The following DPH6 variants were observed in gnomAD, a reference collection of about 807,000 sequenced individuals.
DPH6 encodes diphthine--ammonia ligase.
A neutral mutation model predicts 38.2 loss-of-function variants in DPH6; 33 were observed. The observed-to-expected ratio is 0.86, with a 90% CI of 0.65 to 1.15. The LOEUF is 1.15. Ranked by LOEUF, DPH6 falls within the 50% of genes most tolerant of loss-of-function variation. DPH6 has a pLI of 0.00. For synonymous variants in DPH6, 108 were observed against 103.0 expected (o/e 1.05, Z -0.30); for missense variants, 325 against 320.0 (o/e 1.02, Z -0.12).
At chr15:35,534,824 T>G (rs2055143954) in intron 3 of DPH6, among the ~76,000 whole-genome samples, 1 of 152,192 alleles carries the variant, frequency 6.6e-6, no homozygotes, top group Non-Finnish European at 1.5e-5. Context: ...GTATCAGATT[T>G]GACATCAAGT....
chr15:35,356,486 A>C (rs2052561405), intron 3 of DPH6, among the ~76,000 whole-genome samples: 1 of 151,834 alleles, frequency 6.6e-6, no homozygotes, highest in South Asian at 2.1e-4. Flanking sequence ...TCTTTTTGTT[A>C]GTTTTCATTT....
At chr15:35,444,830 T>G (rs949216397) in intron 5 of DPH6, among the ~76,000 whole-genome samples, 2 of 152,154 alleles carry the variant, frequency 1.3e-5, no homozygotes, top group Non-Finnish European at 2.9e-5. Flanking sequence ...ATCACGAGCT[T>G]TCAGGAACAT....
intron 3 of DPH6, among the ~76,000 whole-genome samples, chr15:35,288,539 A>G (rs754097337): frequency 6.6e-6 from 1 of 152,040 alleles, no homozygotes; most frequent in Non-Finnish European, 1.5e-5. Context: ...ACCGCTTCCT[A>G]TTTATTTTAT....
At chr15:35,159,258 T>C in the DPH6 span, among the ~76,000 whole-genome samples, 1 of 152,104 alleles carries the variant, frequency 6.6e-6, no homozygotes, top group Non-Finnish European at 1.5e-5. Context: ...ACGGGAACCA[T>C]GTTCCCATGT....
chr15:35,449,497 TGTGTACCTTTCA>T (rs1259545327), intron 5 of DPH6, among the ~76,000 whole-genome samples: 1 of 152,112 alleles, frequency 6.6e-6, no homozygotes, highest in Non-Finnish European at 1.5e-5. Context: ...AGGAATAGTA[TGTGTACCTTTCA>T]GTGAGACGTC....
chr15:35,502,771 C>A (rs1028545052), intron 3 of DPH6, among the ~76,000 whole-genome samples: 1 of 151,382 alleles, frequency 6.6e-6, no homozygotes, highest in African/African-American at 2.4e-5. Flanking sequence ...TTGTTAAGAT[C>A]TCACTTTGTT....
intron 3 of DPH6, among the ~76,000 whole-genome samples, chr15:35,537,219 T>C (rs1479154454): frequency 1.3e-5 from 2 of 152,142 alleles, no homozygotes; most frequent in South Asian, 2.1e-4. Context: ...AAAATTTTCA[T>C]GACAGAAGTT....
At chr15:35,284,801 A>ATTTTTTTTTTTT (rs71123127) in intron 3 of DPH6, among the ~76,000 whole-genome samples, 1 of 79,216 alleles carries the variant, frequency 1.3e-5, no homozygotes. Flanking sequence ...AAGTCTCCAA[A>ATTTTTTTTTTTT]TTTTTTTTTT....
chr15:35,479,978 G>T (rs1331272389), intron 3 of DPH6, among the ~76,000 whole-genome samples: 1 of 151,734 alleles, frequency 6.6e-6, no homozygotes, highest in Admixed American at 6.6e-5. Flanking sequence ...ATTTATTATT[G>T]AATTACAATT....
chr15:35,381,627 CT>C (rs2052867211), intron 7 of DPH6, among the ~76,000 whole-genome samples, 194 bp downstream of exon 7: 10 of 152,166 alleles, frequency 6.6e-5, no homozygotes, highest in Admixed American at 1.3e-4. Context: ...TTATAGCCTT[CT>C]ATGAAGGCCT....
chr15:35,340,280 C>T (rs917229126), intron 3 of DPH6, among the ~76,000 whole-genome samples: 8 of 152,102 alleles, frequency 5.3e-5, no homozygotes, highest in South Asian at 2.1e-4. Flanking sequence ...TTTCTGTAGG[C>T]GAGATGGATC....
intron 3 of DPH6, among the ~76,000 whole-genome samples, chr15:35,503,954 A>T (rs2054660743): frequency 6.6e-6 from 1 of 151,994 alleles, no homozygotes; most frequent in South Asian, 2.1e-4. Flanking sequence ...TTTTCACATG[A>T]CTTTGATTAT....
At chr15:35,413,252 T>C (rs2053392106) in intron 5 of DPH6, among the ~76,000 whole-genome samples, 2 of 151,848 alleles carry the variant, frequency 1.3e-5, no homozygotes, top group East Asian at 3.9e-4. Flanking sequence ...TTTCTATCTG[T>C]TGAAAGCAAG....
the DPH6 span, among the ~76,000 whole-genome samples, chr15:35,202,226 TA>T: frequency 6.6e-6 from 1 of 151,814 alleles, no homozygotes; most frequent in Non-Finnish European, 1.5e-5. Context: ...GGCTGTTTCC[TA>T]GGCACGTTTG....
At chr15:35,496,952 T>C (rs866980139) in intron 3 of DPH6, among the ~76,000 whole-genome samples, 2 of 152,086 alleles carry the variant, frequency 1.3e-5, no homozygotes, top group African/African-American at 2.4e-5. Flanking sequence ...CTTATTCAGA[T>C]GCTGCCTGTT....
At chr15:35,390,853 T>G (rs546782694) in intron 6 of DPH6, among the ~76,000 whole-genome samples, 46 of 152,344 alleles carry the variant, frequency 3.0e-4, no homozygotes, top group Non-Finnish European at 2.2e-4. Flanking sequence ...GTCAAAGTGA[T>G]TCTCCGTCCA....
intron 6 of DPH6, among the ~76,000 whole-genome samples, chr15:35,382,699 A>T (rs2052887963): frequency 6.6e-6 from 1 of 152,178 alleles, no homozygotes; most frequent in Non-Finnish European, 1.5e-5. Flanking sequence ...AGTCACATAC[A>T]TGTTTATTAT....
At chr15:35,520,991 A>G (rs2054915650) in intron 3 of DPH6, 3 of 985,200 alleles carry the variant, frequency 3.0e-6, no homozygotes, top group African/African-American at 1.7e-5. Context: ...TTCTCCAGTA[A>G]TATGTCAACC....
At chr15:35,153,422 G>T in the DPH6 span, among the ~76,000 whole-genome samples, 1 of 151,936 alleles carries the variant, frequency 6.6e-6, no homozygotes, top group Non-Finnish European at 1.5e-5. Context: ...GTTTAGTGAG[G>T]GTGTCGAACT....
Sources: gnomAD v4.1 joint callset for allele counts (sites outside exome capture counted in the v4.1 genomes callset) on GRCh38, gnomAD v4.1.1 for gene constraint, MANE v1.5 for transcripts, NCBI Gene and HGNC (gene_info 2026-07-23, HGNC 2026-07-21) for gene names.